ZNF705A: variants seen among roughly 807,000 people sequenced by gnomAD.
ZNF705A encodes the protein zinc finger protein 705A.
A neutral mutation model predicts 16.6 loss-of-function variants in ZNF705A; 8 were observed. The ratio of observed to expected loss-of-function variants is 0.48; its 90% confidence interval spans 0.28 to 0.87. The LOEUF is 0.87. Among genes scored for constraint, ZNF705A ranks in the 40% least tolerant of loss-of-function variants. ZNF705A has a pLI of 0.10. For synonymous variants in ZNF705A, 73 were observed against 117.3 expected, an observed-to-expected ratio of 0.62 and a Z score of 2.44; for missense variants, 233 against 359.9, an observed-to-expected ratio of 0.65 and a Z score of 2.85.
At chr12:8,168,181 G>A (rs575599655), upstream of ZNF705A, among the ~76,000 whole-genome samples, 8 of 152,132 alleles carry the variant, frequency 5.3e-5, no homozygotes, top group Non-Finnish European at 1.2e-4. Context: ...TCTTCCTGGG[G>A]TCTGCATTTA....
chr12:8,169,004 C>G (rs192592256), upstream of ZNF705A: 1 of 152,194 alleles, frequency 6.6e-6, no homozygotes, highest in East Asian at 1.9e-4. Flanking sequence ...TATTATTTTT[C>G]ATAACTTACT....
exon 5 of ZNF705A, chr12:8,178,667 A>C (rs1948505814): frequency 6.6e-6 from 1 of 152,280 alleles, no homozygotes; most frequent in Non-Finnish European, 1.5e-5. Flanking sequence ...GTGACCAGGG[A>C]ATAAATTGAA....
At chr12:8,169,837 T>C (rs1303529223), upstream of ZNF705A, among the ~76,000 whole-genome samples, 2 of 152,162 alleles carry the variant, frequency 1.3e-5, no homozygotes, top group African/African-American at 4.8e-5. Context: ...TTTTTACAGT[T>C]GCCGTTAAAA....
chr12:8,169,166 T>A (rs909149138), upstream of ZNF705A, among the ~76,000 whole-genome samples: 17 of 152,226 alleles, frequency 1.1e-4, no homozygotes, highest in African/African-American at 2.9e-4. Flanking sequence ...AGATTTTTCC[T>A]CTCTCCTGTT....
upstream of ZNF705A, chr12:8,172,389 CT>C (rs1948452635): frequency 1.6e-6 from 1 of 626,374 alleles, no homozygotes. Context: ...CATAGGCTTC[CT>C]AATTTTGACC....
chr12:8,170,434 A>G (rs1013069430), upstream of ZNF705A, among the ~76,000 whole-genome samples: 1 of 152,188 alleles, frequency 6.6e-6, no homozygotes, highest in African/African-American at 2.4e-5. Flanking sequence ...ATCTTGAAAT[A>G]GTTTTTATAG....
intron 1 of ZNF705A, among the ~76,000 whole-genome samples, chr12:8,163,590 G>C (rs1051640800): frequency 1.3e-5 from 2 of 152,166 alleles, no homozygotes; most frequent in African/African-American, 4.8e-5. Context: ...ACTCATAAAG[G>C]AGCATATGTT....
rs1327391092 is a variant in ZNF705A at position 8,174,828 on chromosome 12, G to A, written c.139+376G>A. On this transcript the variant is annotated intron_variant, in intron 2 of 4. Transcript: ENST00000359286. ...CTGAGACCAATTAGTGAAAACAATA[G>A]CAATATCTTTTCCATATAGAACACC... Among the ~76,000 whole-genome samples, 3 of 152,056 alleles carry A rather than the reference G, an allele frequency of 2.0e-5. No individual in the cohort carries two copies. The East Asian group carries it at 5.8e-4, about 29-fold the overall frequency.
intron 1 of ZNF705A, among the ~76,000 whole-genome samples, chr12:8,165,424 A>G (rs1409976995): frequency 1.4e-5 from 2 of 144,066 alleles, no homozygotes; most frequent in Non-Finnish European, 3.0e-5. Context: ...CTGGGACTAC[A>G]GGCACCTGCC....
At chr12:8,173,976 T>C (rs1948464739) in intron 1 of ZNF705A, among the ~76,000 whole-genome samples, 1 of 152,208 alleles carries the variant, frequency 6.6e-6, no homozygotes, top group Non-Finnish European at 1.5e-5. Context: ...AAATCCGTAA[T>C]TTACTTGAAA....
At chr12:8,173,092 A>G (rs940808538) in intron 1 of ZNF705A, among the ~76,000 whole-genome samples, 33 of 152,380 alleles carry the variant, frequency 2.2e-4, no homozygotes, top group African/African-American at 7.7e-4. Context: ...AGAGCAGAAC[A>G]TCACAGCCCA....
intron 1 of ZNF705A, among the ~76,000 whole-genome samples, chr12:8,173,131 G>A (rs1489892201): frequency 6.6e-6 from 1 of 152,226 alleles, no homozygotes; most frequent in Non-Finnish European, 1.5e-5. Context: ...TAGCAGCTGA[G>A]TTCAATAAAT....
intron 4 of ZNF705A, 48 bp downstream of exon 5, chr12:8,175,990 T>A (rs1234077431): frequency 6.2e-7 from 1 of 1,608,196 alleles, no homozygotes; most frequent in Non-Finnish European, 8.5e-7. Context: ...AAAGACATGG[T>A]AATGGGTTAA....
At chr12:8,160,458 G>T (rs7301522) in intron 1 of ZNF705A, among the ~76,000 whole-genome samples, 4 of 151,908 alleles carry the variant, frequency 2.6e-5, no homozygotes, top group South Asian at 4.1e-4. Context: ...CCATGAGCAT[G>T]GGATGTGTTT....
exon 5 of ZNF705A, chr12:8,179,764 T>C (rs986769349): frequency 2.6e-5 from 4 of 152,168 alleles, no homozygotes; most frequent in African/African-American, 9.7e-5. Context: ...TTATTTATTG[T>C]TTAATCTATT....
upstream of ZNF705A, among the ~76,000 whole-genome samples, chr12:8,170,196 C>CAA (rs1188328005): frequency 4.5e-3 from 571 of 126,442 alleles, 33 homozygotes; most frequent in African/African-American, 0.015. Flanking sequence ...CCCCCCCCCC[C>CAA]AAAAAAAAAA....
At chr12:8,159,046 A>G (rs1034785989) in intron 1 of ZNF705A, among the ~76,000 whole-genome samples, 1 of 152,052 alleles carries the variant, frequency 6.6e-6, no homozygotes, top group African/African-American at 2.4e-5. Flanking sequence ...CCCACATATC[A>G]ATGAGCACAT....
intron 1 of ZNF705A, among the ~76,000 whole-genome samples, chr12:8,157,452 T>C (rs1357367464): frequency 6.6e-6 from 1 of 152,160 alleles, no homozygotes; most frequent in Non-Finnish European, 1.5e-5. Flanking sequence ...AAAGAAGTCC[T>C]TCCTCTCACT....
chr12:8,164,838 TG>T (rs1424505771), intron 1 of ZNF705A, among the ~76,000 whole-genome samples: 1 of 152,212 alleles, frequency 6.6e-6, no homozygotes, highest in East Asian at 1.9e-4. Flanking sequence ...TATATTCCTT[TG>T]GGTATATACC....
Sources: allele counts gnomAD v4.1 joint callset (sites outside exome capture counted in the v4.1 genomes callset), GRCh38; gene constraint gnomAD v4.1.1; transcripts MANE v1.5; gene names NCBI Gene and HGNC (gene_info 2026-07-23, HGNC 2026-07-21).